The following ATAD3B variants were observed in gnomAD, a reference collection of about 807,000 sequenced individuals.
ATAD3B encodes ATPase family AAA domain containing 3B, also known as ATPase family AAA domain-containing protein 3B.
ATAD3B carries 59 observed loss-of-function variants against 70.2 expected under a neutral mutation model. The observed-to-expected ratio is 0.84, with a 90% CI of 0.68 to 1.04. The LOEUF (loss-of-function observed/expected upper bound fraction) is 1.04. Among genes scored for constraint, ATAD3B ranks in the 50% least tolerant of loss-of-function variants. The pLI, the probability that ATAD3B is intolerant of heterozygous loss-of-function variation, is 0.00. For missense variants in ATAD3B, 961 were observed against 913.4 expected, an observed-to-expected ratio of 1.05 and a Z score of -0.67; for synonymous variants, 423 against 388.6, an observed-to-expected ratio of 1.09 and a Z score of -1.04.
At chr1:1,488,155 C>G (rs1451924969) in intron 12 of ATAD3B, among the ~76,000 whole-genome samples, 1 of 151,978 alleles carries the variant, frequency 6.6e-6, no homozygotes, top group Non-Finnish European at 1.5e-5. Flanking sequence ...TGGGGTTTCA[C>G]CATGTTGGTC....
chr1:1,475,224 C>T (rs566781363), intron 1 of ATAD3B, among the ~76,000 whole-genome samples: 3 of 149,218 alleles, frequency 2.0e-5, no homozygotes, highest in Non-Finnish European at 4.4e-5. Flanking sequence ...CCGTGGGGAG[C>T]CCTCCATCAG....
At chr1:1,492,011 C>G (rs1291992839) in intron 15 of ATAD3B, among the ~76,000 whole-genome samples, 2 of 151,864 alleles carry the variant, frequency 1.3e-5, no homozygotes, top group Non-Finnish European at 2.9e-5. Context: ...CAAGGTGAGA[C>G]CCCATCTCTA....
At chr1:1,494,607 G>C (rs968603191) in intron 15 of ATAD3B, among the ~76,000 whole-genome samples, 1 of 151,884 alleles carries the variant, frequency 6.6e-6, no homozygotes, top group Non-Finnish European at 1.5e-5. Flanking sequence ...CAGAGGGGAC[G>C]GGCACCACGT....
chr1:1,473,674 T>C (rs1262432185), intron 1 of ATAD3B, among the ~76,000 whole-genome samples: 1 of 151,110 alleles, frequency 6.6e-6, no homozygotes, highest in Admixed American at 6.6e-5. Flanking sequence ...TTTTGTATTT[T>C]TAGTAGAGAC....
chr1:1,474,082 G>C (rs1216564602), intron 1 of ATAD3B, among the ~76,000 whole-genome samples: 1 of 152,094 alleles, frequency 6.6e-6, no homozygotes, highest in African/African-American at 2.4e-5. Context: ...ATGGGGTCTT[G>C]CTTTGTCGCC....
rs1337281304 is a variant in ATAD3B, at chr1:1,485,023, G to A, written c.758G>A (p.Gly253Glu). ...DRDKVTATVA[G>E]LTLLAVGVYS... ...GCGGTGTCTCTGCTGCAGGTGGCTG[G>A]GCTGACGCTGCTGGCTGTCGGGGTC... The change falls in exon 8 of 16, where the codon GGG becomes GAG. Residue 253 changes from glycine to glutamate, a missense_variant. This residue lies in a region of ATAD3B where 349 missense variants were observed against 307.5 expected (regional missense o/e 1.14). Transcript: ENST00000673477. 1 of 1,602,422 alleles carries A rather than the reference G, an allele frequency of 6.2e-7. No homozygotes were observed. Among genetic ancestry groups the A allele is most frequent in the Admixed American group, 1.7e-5 (1 of 58,862 alleles).
At chr1:1,494,131 C>G (rs1396015565) in intron 15 of ATAD3B, among the ~76,000 whole-genome samples, 1 of 148,854 alleles carries the variant, frequency 6.7e-6, no homozygotes, top group African/African-American at 2.5e-5. Context: ...GGCCTTCCCA[C>G]ATGGTGAACA....
chr1:1,498,106 C>T (rs1640846257), downstream of ATAD3B, among the ~76,000 whole-genome samples: 1 of 151,672 alleles, frequency 6.6e-6, no homozygotes. Flanking sequence ...AGTTCGAGAC[C>T]AGCCCGGCCA....
At chr1:1,506,682 A>T in the ATAD3B span, among the ~76,000 whole-genome samples, 1 of 151,840 alleles carries the variant, frequency 6.6e-6, no homozygotes, top group Non-Finnish European at 1.5e-5. Context: ...ATTCATTGTT[A>T]GTATGTAGAA....
intron 10 of ATAD3B, 27 bp downstream of exon 10, chr1:1,486,262 G>T: frequency 1.2e-6 from 2 of 1,612,146 alleles, no homozygotes; most frequent in Non-Finnish European, 1.7e-6. Context: ...GAACAGGTGG[G>T]CCAGGGGCCG....
At chr1:1,479,256 A>C in intron 4 of ATAD3B, 148 bp downstream of exon 4, 1 of 912,752 alleles carries the variant, frequency 1.1e-6, no homozygotes, top group South Asian at 1.6e-5. Context: ...TCGGACAGAC[A>C]CGCACCAGCA....
chr1:1,484,316 G>C (rs1168202803), intron 7 of ATAD3B: 1 of 151,948 alleles, frequency 6.6e-6, no homozygotes, highest in African/African-American at 2.4e-5. Flanking sequence ...GAGTAGCTGG[G>C]ACTACAGGTG....
the ATAD3B span, chr1:1,509,108 C>G: frequency 6.7e-7 from 1 of 1,481,874 alleles, no homozygotes; most frequent in Non-Finnish European, 9.0e-7. Context: ...CATCCTGGAG[C>G]CCCTGGTTTG....
chr1:1,490,144 G>C, intron 13 of ATAD3B, 113 bp from the exon 14 acceptor site: 3 of 1,492,352 alleles, frequency 2.0e-6, no homozygotes, highest in Non-Finnish European at 2.7e-6. Flanking sequence ...CTCACAAGCT[G>C]CCGCTTTAGA....
chr1:1,499,901 T>G (rs1640907912), downstream of ATAD3B, among the ~76,000 whole-genome samples: 1 of 144,208 alleles, frequency 6.9e-6, no homozygotes, highest in Admixed American at 6.9e-5. Context: ...GCCTTTTTTT[T>G]TTTTTCTTTT....
In ATAD3B at chr1:1,477,531, G is replaced by A. The variant is rs904585; in HGVS notation, c.282+181G>A. Among the ~76,000 whole-genome samples the A allele has an allele frequency of 2.9e-3, 444 of 151,972 alleles. 3 individuals are homozygous for A. Among genetic ancestry groups the A allele is most frequent in the Middle Eastern group, 0.014 (4 of 294 alleles). On this transcript the variant is annotated intron_variant, in intron 2 of 15. Transcript: ENST00000673477. ...ACAAGGGGAGGTGAGAGACGCTGCCGCAGAGCCGCCCGAGAGGGAGGGTCA... is the reference window on the plus strand; with the variant it reads ...ACAAGGGGAGGTGAGAGACGCTGCCACAGAGCCGCCCGAGAGGGAGGGTCA...
intron 15 of ATAD3B, among the ~76,000 whole-genome samples, chr1:1,493,260 C>T (rs1277004354): frequency 1.3e-5 from 2 of 151,926 alleles, no homozygotes; most frequent in African/African-American, 4.8e-5. Flanking sequence ...TCCCATATCT[C>T]TGGCCAGAGC....
chr1:1,480,388 G>T (rs963262978), intron 4 of ATAD3B, among the ~76,000 whole-genome samples: 1 of 146,544 alleles, frequency 6.8e-6, no homozygotes, highest in Non-Finnish European at 1.5e-5. Context: ...TGCTTGGGAG[G>T]GCTGGTCAGT....
At chr1:1,475,128 C>T (rs1371075781) in intron 1 of ATAD3B, among the ~76,000 whole-genome samples, 1 of 148,744 alleles carries the variant, frequency 6.7e-6, no homozygotes, top group Non-Finnish European at 1.5e-5. Flanking sequence ...AGCTCCTGAC[C>T]CGCAGTCCGC....
Sources: allele counts gnomAD v4.1 joint callset (sites outside exome capture counted in the v4.1 genomes callset), GRCh38; gene constraint gnomAD v4.1.1; regional missense constraint gnomAD v4.1.1; transcripts MANE v1.5; gene names NCBI Gene and HGNC (gene_info 2026-07-23, HGNC 2026-07-21).